Variants in CLPX observed in about 807,000 individuals in gnomAD.
CLPX encodes ATP-dependent clpX-like chaperone, mitochondrial.
CLPX carries 34 observed loss-of-function variants against 76.4 expected under a neutral mutation model. The observed-to-expected ratio is 0.45, with a 90% confidence interval of 0.34 to 0.59. CLPX has a LOEUF of 0.59. Ranked by LOEUF, CLPX falls within the 20% of genes least tolerant of loss-of-function variation. The probability of loss-of-function intolerance (pLI) is 0.01; values close to 1 mark genes in which losing one functional copy is unlikely to be tolerated. For synonymous variants in CLPX, 248 were observed against 270.9 expected (o/e 0.92, Z 0.83); for missense variants, 613 against 757.0 (o/e 0.81, Z 2.23).
intron 3 of CLPX, among the ~76,000 whole-genome samples, chr15:65,169,884 C>T (rs745401272): frequency 2.6e-5 from 4 of 151,806 alleles, no homozygotes; most frequent in Non-Finnish European, 4.4e-5. Flanking sequence ...CCTCAGCCTC[C>T]GAAGTAGCTG....
chr15:65,155,629 G>A, intron 10 of CLPX, 63 bp downstream of exon 10: 1 of 1,357,156 alleles, frequency 7.4e-7, no homozygotes, highest in Non-Finnish European at 1.0e-6. Flanking sequence ...TATGAGAATG[G>A]AAACTGAGTG....
rs1280030481 is a variant in CLPX, at chr15:65,149,999, A to G, written c.*824T>C. The G allele has an allele frequency of 6.6e-6, 1 of 152,408 alleles. No individual in the cohort carries two copies. 9.4% of individuals were successfully genotyped at this position (152,408 alleles called of 1,614,324 possible). On this transcript the variant is annotated 3_prime_UTR_variant, in exon 14 of 14. Coordinates refer to ENST00000300107, the MANE Select transcript of CLPX (RefSeq NM_006660.5). ...GAATACAGCTAAACCAATTATCAAA[A>G]TATAGTTCTTCAGGGTATTTTTCAA...
Position 65,168,383 on chromosome 15 carries a change from CAAAAAAAAAA to C in CLPX, c.359-1608_359-1599del, listed in dbSNP as rs71136319. On this transcript the variant is annotated intron_variant, in intron 3 of 13. Transcript: ENST00000300107. ...TGGGCGACAAAGTGAGACTCTGTCT[CAAAAAAAAAA>C]AAAAAAAAAAAAAAAAATTTGTGGA... Among the ~76,000 whole-genome samples, 27 of 35,660 alleles carry C rather than the reference CAAAAAAAAAA, an allele frequency of 7.6e-4. 1 individual carries two copies. The highest frequency in any genetic ancestry group is 6.7e-3 in the South Asian group (3 of 446). 23.4% of individuals were successfully genotyped at this position (35,660 alleles called of 152,430 possible).
rs1279781695 is a variant in CLPX at position 65,181,318 on chromosome 15, G to A, written c.80-1114C>T. On this transcript the variant is annotated intron_variant, in intron 1 of 13. Coordinates refer to ENST00000300107, the MANE Select transcript of CLPX (RefSeq NM_006660.5). ...TCCTGGGGGTTGGGGAAAATGGAGA[G>A]TTATTGTTGTAATGGGTACAGAGCT... Among the ~76,000 whole-genome samples, 18 of 152,170 alleles carry A rather than the reference G, an allele frequency of 1.2e-4. 1 individual carries two copies. The highest frequency in any genetic ancestry group is 1.1e-3 in the Admixed American group (17 of 15,250).
In CLPX at chr15:65,150,551, T is replaced by A; in HGVS notation, c.*272A>T. The A allele has an allele frequency of 3.9e-6, 1 of 259,406 alleles. No individual in the cohort carries two copies. The highest frequency in any genetic ancestry group is 7.2e-6 in the Non-Finnish European group (1 of 138,810). 16.1% of individuals were successfully genotyped at this position (259,406 alleles called of 1,614,324 possible). On this transcript the variant is annotated 3_prime_UTR_variant, in exon 14 of 14. Transcript: ENST00000300107. ...CATTGCTTAAAAGAATTCCTAAGAA[T>A]TTTGTTAAAGCATATTTTTTTTAAA...
chr15:65,176,721 G>A (rs1313450312), intron 3 of CLPX, among the ~76,000 whole-genome samples: 1 of 150,794 alleles, frequency 6.6e-6, no homozygotes, highest in Admixed American at 6.7e-5. Flanking sequence ...TCGGCTTCCT[G>A]AGTAGTTGGG....
At position 65,185,174 on chromosome 15, in the gene CLPX, G is replaced by C. The variant is rs779499015; in HGVS notation, c.-21C>G. Reference sequence around the variant, plus strand: ...GGCATCTCCGCGAGGCCTAGGCCGGGGCTTCGCCCCCTGAGGACCTCCGGG... The same window carrying C: ...GGCATCTCCGCGAGGCCTAGGCCGGCGCTTCGCCCCCTGAGGACCTCCGGG... On this transcript the variant is annotated 5_prime_UTR_variant, in exon 1 of 14. Coordinates refer to ENST00000300107, the MANE Select transcript of CLPX (RefSeq NM_006660.5). 7.7e-6 allele frequency: 12 copies of C among 1,552,444 alleles called. No individual in the cohort carries two copies. The highest frequency in any genetic ancestry group is 2.4e-5 in the East Asian group (1 of 41,690).
Position 65,149,589 on chromosome 15 carries a change from T to C in CLPX, c.*1234A>G, listed in dbSNP as rs1222783695. ...TAAAGATGGTAAATAAGGCCGGGTG[T>C]GGTGGCTTACGCCTGCAATCCCAGC... On this transcript the variant is annotated 3_prime_UTR_variant, in exon 14 of 14. Coordinates refer to ENST00000300107, the MANE Select transcript of CLPX (RefSeq NM_006660.5). 2.2e-6 allele frequency: 1 copy of C among 453,286 alleles called. No individual in the cohort carries two copies. Among genetic ancestry groups the C allele is most frequent in the East Asian group, 7.1e-5 (1 of 14,108 alleles). 28.1% of individuals were successfully genotyped at this position (453,286 alleles called of 1,614,324 possible).
chr15:65,155,600 ATGAC>A, intron 10 of CLPX, 88 bp downstream of exon 10: 2 of 1,080,350 alleles, frequency 1.9e-6, no homozygotes, highest in Middle Eastern at 2.2e-4. Context: ...AATTAAAACT[ATGAC>A]TGGTAGCCCG....
chr15:65,159,120 G>A (rs1012056930), intron 6 of CLPX, among the ~76,000 whole-genome samples: 1 of 152,186 alleles, frequency 6.6e-6, no homozygotes, highest in African/African-American at 2.4e-5. Flanking sequence ...TCTAGGGCAA[G>A]TCATATAAAC....
At position 65,158,754 on chromosome 15, in the gene CLPX, G is replaced by GA. The variant is rs755530711; in HGVS notation, c.716-4dup. The GA allele has an allele frequency of 7.1e-6, 11 of 1,555,444 alleles. No homozygotes were observed. The highest frequency in any genetic ancestry group is 2.5e-5 in the South Asian group (2 of 80,318). On this transcript the variant is annotated splice_region_variant and splice_polypyrimidine_tract_variant and intron_variant, in intron 6 of 13. Transcript: ENST00000300107. Reference sequence around the variant, plus strand: ...AATTCCAGCAATCTGAAGCAATTCTGAAAAAAATGCCAAAGGAATTACTTG... The same window carrying GA: ...AATTCCAGCAATCTGAAGCAATTCTGAAAAAAAATGCCAAAGGAATTACTTG...
At position 65,156,867 on chromosome 15, in the gene CLPX, C is replaced by T; in HGVS notation, c.1123G>A (p.Val375Ile). Residue 375 changes from valine to isoleucine, a missense_variant, in exon 9 of 14, where the codon GTA becomes ATA. Val to Ile is a conservative substitution (Grantham distance 29). Coordinates refer to ENST00000300107, the MANE Select transcript of CLPX (RefSeq NM_006660.5). ...ACTTGCTGAACGCCTTCTCCACCTA[C>T]ATCCCGTAATTGATGAATGCCTGGC... ...SVPGIHQLRDVGGEGVQQGLL... is the reference protein window; with the variant it reads ...SVPGIHQLRDIGGEGVQQGLL... 5.6e-6 allele frequency: 9 copies of T among 1,613,262 alleles called. No individual in the cohort carries two copies. Among genetic ancestry groups the T allele is most frequent in the Non-Finnish European group, 7.6e-6 (9 of 1,179,412 alleles).
chr15:65,179,788 T>C (rs1167553544), intron 2 of CLPX, among the ~76,000 whole-genome samples: 1 of 152,214 alleles, frequency 6.6e-6, no homozygotes, highest in African/African-American at 2.4e-5. Context: ...TCAATCCTAC[T>C]GACTGTCATT....
chr15:65,162,683 C>T lies in CLPX; in HGVS notation c.674-38G>A, dbSNP rs117168563. ...ATGAAAATATTACATATTTGTTTAC[C>T]TTGGGGGAACAAACAATGAGTATCC... On this transcript the variant is annotated intron_variant, in intron 5 of 13. Coordinates refer to ENST00000300107, the MANE Select transcript of CLPX (RefSeq NM_006660.5). 7.2e-4 allele frequency: 901 copies of T among 1,256,460 alleles called. 16 individuals are homozygous for T. In the East Asian group the frequency reaches 0.021, roughly 29 times the overall value. 77.8% of individuals were successfully genotyped at this position (1,256,460 alleles called of 1,614,324 possible).
At chr15:65,158,040 T>C (rs2087811389) in intron 7 of CLPX, 130 bp from the exon 8 acceptor site, 8 of 726,472 alleles carry the variant, frequency 1.1e-5, no homozygotes, top group Non-Finnish European at 1.7e-5. Context: ...TCCTCTGCTA[T>C]TATTTTTTTT....
chr15:65,160,623 T>TCTCTCTCA (rs1219208926), intron 6 of CLPX, among the ~76,000 whole-genome samples: 19 of 100,972 alleles, frequency 1.9e-4, no homozygotes, highest in African/African-American at 3.0e-4. Context: ...TCTCTCTCTC[T>TCTCTCTCA]CACACACACA....
chr15:65,164,141 C>T lies in CLPX; in HGVS notation c.561G>A (p.Lys187=). ...TGTACACAGCAACTGAAAGCACCTTCTTAGCAAATGACTGGCCAACAACAT... is the reference window on the plus strand; with the variant it reads ...TGTACACAGCAACTGAAAGCACCTTTTTAGCAAATGACTGGCCAACAACAT... ...DKYVVGQSFA[K]KVLSVAVYNH... Residue 187 remains lysine, a synonymous_variant, in exon 5 of 14, where the codon AAG becomes AAA. Transcript: ENST00000300107. 2.5e-6 allele frequency: 4 copies of T among 1,612,800 alleles called. No individual in the cohort carries two copies. The highest frequency in any genetic ancestry group is 3.4e-6 in the Non-Finnish European group (4 of 1,179,362).
intron 6 of CLPX, among the ~76,000 whole-genome samples, chr15:65,161,194 A>C (rs2087852607): frequency 6.6e-6 from 1 of 152,214 alleles, no homozygotes; most frequent in Non-Finnish European, 1.5e-5. Flanking sequence ...CTTAAACGCA[A>C]ACAAAGTATT....
At chr15:65,165,385 T>C (rs944125743) in intron 4 of CLPX, among the ~76,000 whole-genome samples, 3 of 139,358 alleles carry the variant, frequency 2.2e-5, no homozygotes, top group African/African-American at 8.0e-5. Context: ...ATTTTTTTTT[T>C]TTTTTTTTTT....
Sources: gnomAD v4.1 joint callset for allele counts (sites outside exome capture counted in the v4.1 genomes callset) on GRCh38, gnomAD v4.1.1 for gene constraint, MANE v1.5 for transcripts, NCBI Gene and HGNC (gene_info 2026-07-23, HGNC 2026-07-21) for gene names.